The following FHOD3 variants were observed in gnomAD, a reference collection of about 807,000 sequenced individuals.
FHOD3 encodes the protein FH1/FH2 domain-containing protein 3.
A neutral mutation model predicts 173.0 loss-of-function variants in FHOD3; 90 were observed. The observed-to-expected ratio is 0.52, with a 90% CI of 0.44 to 0.62. The LOEUF (loss-of-function observed/expected upper bound fraction) is 0.62. Ranked by LOEUF, FHOD3 falls within the 20% of genes least tolerant of loss-of-function variation. FHOD3 has a pLI of 0.00. For synonymous variants in FHOD3, 828 were observed against 823.0 expected (o/e 1.01, Z -0.10); for missense variants, 1,945 against 2,034.7 (o/e 0.96, Z 0.85).
At chr18:36,300,632 T>G (rs569750026) in intron 1 of FHOD3, among the ~76,000 whole-genome samples, 1 of 152,134 alleles carries the variant, frequency 6.6e-6, no homozygotes, top group Non-Finnish European at 1.5e-5. Context: ...GCGAGCGCAT[T>G]CTCAGTGGTA....
intron 3 of FHOD3, among the ~76,000 whole-genome samples, chr18:36,484,609 A>G (rs533147221): frequency 4.6e-5 from 7 of 152,306 alleles, no homozygotes; most frequent in Non-Finnish European, 7.4e-5. Flanking sequence ...TTGCAAAGCA[A>G]CAGTTTGGGT....
intron 3 of FHOD3, among the ~76,000 whole-genome samples, chr18:36,486,389 G>T (rs1037014896): frequency 6.6e-6 from 1 of 152,202 alleles, no homozygotes; most frequent in Non-Finnish European, 1.5e-5. Context: ...TTGAAACAGG[G>T]TCTTGCTCTG....
chr18:36,634,515 A>G (rs2034737495), intron 10 of FHOD3, among the ~76,000 whole-genome samples: 1 of 152,184 alleles, frequency 6.6e-6, no homozygotes. Context: ...TCTTGGAAGC[A>G]GTTGGCAATG....
chr18:36,617,582 CCT>C (rs1491489587), intron 9 of FHOD3, among the ~76,000 whole-genome samples: 117 of 61,396 alleles, frequency 1.9e-3, no homozygotes, highest in Non-Finnish European at 2.1e-3. Context: ...CTTGTACTTC[CCT>C]GTGTGTGTGT....
At chr18:36,623,207 CTG>C (rs1361546493) in intron 9 of FHOD3, among the ~76,000 whole-genome samples, 35 of 152,366 alleles carry the variant, frequency 2.3e-4, no homozygotes, top group African/African-American at 8.4e-4. Context: ...TTCATGCACA[CTG>C]TGTGCCTCTC....
chr18:36,602,547 CT>C, intron 7 of FHOD3, 126 bp from the exon 8 acceptor site: 1 of 753,866 alleles, frequency 1.3e-6, no homozygotes, highest in Non-Finnish European at 2.4e-6. Context: ...TAATGTCACA[CT>C]TTGAAATTTG....
At chr18:36,323,299 T>TTTTTTTG (rs1385693572) in intron 1 of FHOD3, among the ~76,000 whole-genome samples, 1 of 152,164 alleles carries the variant, frequency 6.6e-6, no homozygotes, top group Non-Finnish European at 1.5e-5. Flanking sequence ...AAGACACTTG[T>TTTTTTTG]TTTTTTGTTT....
chr18:36,549,902 AT>A (rs1314386744), intron 5 of FHOD3, among the ~76,000 whole-genome samples: 10 of 147,740 alleles, frequency 6.8e-5, no homozygotes, highest in African/African-American at 2.0e-4. Context: ...ATTTACTCCC[AT>A]TTTTTTTTCT....
chr18:36,660,257 ACT>A (rs1240117685), intron 14 of FHOD3, among the ~76,000 whole-genome samples: 2 of 151,932 alleles, frequency 1.3e-5, no homozygotes, highest in African/African-American at 4.8e-5. Flanking sequence ...TGACCGTGAG[ACT>A]CTGTCTCAAA....
chr18:36,688,014 T>TTATA (rs2038739022), intron 16 of FHOD3, among the ~76,000 whole-genome samples: 3 of 152,200 alleles, frequency 2.0e-5, no homozygotes, highest in Admixed American at 6.5e-5. Context: ...CCAGCCTAGG[T>TTATA]CATATAACAG....
At chr18:36,357,990 CT>C (rs75203428) in intron 2 of FHOD3, among the ~76,000 whole-genome samples, 16,534 of 152,226 alleles carry the variant, frequency 0.11, 1,396 homozygotes, top group East Asian at 0.46. Flanking sequence ...GGATCAGCTA[CT>C]GTGCCAGGTA....
rs530983686 is a variant in FHOD3 at position 36,465,196 on chromosome 18, C to T, written c.338-36736C>T. 3.6e-4 allele frequency among the ~76,000 whole-genome samples: 55 copies of T among 152,126 alleles called. No homozygotes were observed. In the South Asian group the frequency reaches 1.0e-2, roughly 28 times the overall value. On this transcript the variant is annotated intron_variant, in intron 3 of 28. Transcript: ENST00000590592. ...TACAAAAATTAGCTGGGCATGGTGG[C>T]GGGCACCTGTAATTCCAGCTACTCA...
In FHOD3 at chr18:36,652,716, C is replaced by G; in HGVS notation, c.1433C>G (p.Ser478Cys). 6.5e-7 allele frequency: 1 copy of G among 1,535,736 alleles called. No individual in the cohort carries two copies. The highest frequency in any genetic ancestry group is 8.7e-7 in the Non-Finnish European group (1 of 1,146,662). The change falls in exon 12 of 29, where the codon TCC becomes TGC. Residue 478 changes from serine (S) to cysteine (C), a missense_variant. Around this residue, in one of 5 missense-constraint regions of FHOD3, gnomAD observed 1,099 missense variants for 1,051.2 expected, o/e 1.05. Transcript: ENST00000590592. ...TAGGTTWHSGSSGSEATPSAL... is the reference protein window; with the variant it reads ...TAGGTTWHSGCSGSEATPSAL... ...GGCGGGACCACCTGGCACAGTGGGT[C>G]CTCTGGGTCTGAGGCCACCCCATCT... is the stretch of plus-strand genomic sequence containing the variant.
chr18:36,472,249 TGAGGAA>T (rs1176977078), intron 3 of FHOD3, among the ~76,000 whole-genome samples: 1 of 152,226 alleles, frequency 6.6e-6, no homozygotes, highest in African/African-American at 2.4e-5. Flanking sequence ...AGGCTTTGTG[TGAGGAA>T]GCCTGTTAGG....
At chr18:36,744,761 A>C (rs560376493) in intron 23 of FHOD3, among the ~76,000 whole-genome samples, 1 of 152,240 alleles carries the variant, frequency 6.6e-6, no homozygotes, top group Admixed American at 6.5e-5. Context: ...TCATGAACTT[A>C]TGCTTCATTA....
chr18:36,519,895 T>G (rs2146537667), intron 5 of FHOD3, among the ~76,000 whole-genome samples: 2 of 152,260 alleles, frequency 1.3e-5, no homozygotes, highest in South Asian at 4.1e-4. Flanking sequence ...TTTTTTCCTG[T>G]GATTAGTGAA....
At chr18:36,707,983 T>C (rs2039974987) in intron 17 of FHOD3, among the ~76,000 whole-genome samples, 1 of 152,224 alleles carries the variant, frequency 6.6e-6, no homozygotes, top group African/African-American at 2.4e-5. Flanking sequence ...CCAGCCTTCA[T>C]GTGTGGCAGT....
intron 3 of FHOD3, among the ~76,000 whole-genome samples, chr18:36,448,898 C>A (rs958721749): frequency 2.6e-5 from 4 of 151,896 alleles, no homozygotes; most frequent in Non-Finnish European, 5.9e-5. Flanking sequence ...TGTGACCAAA[C>A]ATGCAGCCTC....
At chr18:36,508,179 A>C (rs532114208) in intron 4 of FHOD3, among the ~76,000 whole-genome samples, 1 of 152,300 alleles carries the variant, frequency 6.6e-6, no homozygotes, top group South Asian at 2.1e-4. Flanking sequence ...ATTCTTAAAA[A>C]TTAGGATTCT....
Sources: allele counts gnomAD v4.1 joint callset (sites outside exome capture counted in the v4.1 genomes callset), GRCh38; gene constraint gnomAD v4.1.1; regional missense constraint gnomAD v4.1.1; transcripts MANE v1.5; gene names NCBI Gene and HGNC (gene_info 2026-07-23, HGNC 2026-07-21).